PNLIPRP3: variants seen among roughly 807,000 people sequenced by gnomAD.
PNLIPRP3 encodes pancreatic lipase-related protein 3.
In PNLIPRP3, 58 loss-of-function variants were observed where a neutral mutation model predicts 52.8. The observed-to-expected ratio is 1.10, with a 90% CI of 0.89 to 1.37. The LOEUF (loss-of-function observed/expected upper bound fraction) is 1.37, where lower values mean the gene tolerates loss of function less well. Ranked by LOEUF, PNLIPRP3 falls within the 40% of genes most tolerant of loss-of-function variation. The pLI is 0.00. For synonymous variants in PNLIPRP3, 192 were observed against 185.0 expected, an observed-to-expected ratio of 1.04 and a Z score of -0.31; for missense variants, 593 against 561.6, an observed-to-expected ratio of 1.06 and a Z score of -0.57.
chr10:116,469,097 T>G, intron 8 of PNLIPRP3, 88 bp from the exon 9 acceptor site: 1 of 1,228,200 alleles, frequency 8.1e-7, no homozygotes, highest in Non-Finnish European at 1.1e-6. Context: ...TCCTGGAGAT[T>G]TATTATTATT....
chr10:116,455,859 G>A (rs1414093791), intron 5 of PNLIPRP3, 29 bp downstream of exon 5: 1 of 1,538,976 alleles, frequency 6.5e-7, no homozygotes, highest in Non-Finnish European at 9.0e-7. Flanking sequence ...TGGGCCTTGA[G>A]TGTGTTTAAA....
intron 4 of PNLIPRP3, among the ~76,000 whole-genome samples, chr10:116,445,192 GT>G (rs368577706): frequency 3.9e-5 from 6 of 152,292 alleles, no homozygotes; most frequent in African/African-American, 1.4e-4. Context: ...GATATGACTT[GT>G]AAGTAAGACA....
chr10:116,464,886 G>A (rs931393187), intron 7 of PNLIPRP3, among the ~76,000 whole-genome samples: 7 of 152,212 alleles, frequency 4.6e-5, no homozygotes, highest in Admixed American at 4.6e-4. Flanking sequence ...CAGCTCTTGG[G>A]CTGTCCCAGC....
intron 4 of PNLIPRP3, among the ~76,000 whole-genome samples, chr10:116,452,868 C>G (rs537962362): frequency 6.6e-6 from 1 of 152,378 alleles, no homozygotes; most frequent in East Asian, 1.9e-4. Flanking sequence ...CAGAGAAACT[C>G]TACTAAGGCA....
intron 1 of PNLIPRP3, among the ~76,000 whole-genome samples, chr10:116,433,495 G>T (rs1224832982): frequency 6.6e-6 from 1 of 152,038 alleles, no homozygotes; most frequent in Non-Finnish European, 1.5e-5. Flanking sequence ...AAATAACAAC[G>T]GGTTTTCATT....
chr10:116,429,957 T>C (rs1845686195), intron 1 of PNLIPRP3, among the ~76,000 whole-genome samples: 1 of 152,014 alleles, frequency 6.6e-6, no homozygotes, highest in South Asian at 2.1e-4. Flanking sequence ...AGAAGTCAAT[T>C]TAAGATGAAA....
At chr10:116,432,321 T>G (rs1044127676) in intron 1 of PNLIPRP3, among the ~76,000 whole-genome samples, 3 of 152,204 alleles carry the variant, frequency 2.0e-5, no homozygotes, top group South Asian at 4.1e-4. Flanking sequence ...AGAACTAATA[T>G]GCCAATTTAC....
rs1222758324 is a variant in PNLIPRP3, at chr10:116,471,888, A to G, written c.1172+9A>G. 2.0e-6 allele frequency: 3 copies of G among 1,533,686 alleles called. No individual in the cohort carries two copies. The highest frequency in any genetic ancestry group is 1.1e-5 in the South Asian group (1 of 89,002). Reference sequence around the variant, plus strand: ...GAGTTTGCCATTGTCAGGTAGGCAGAGTGAGAAACTGACGCTTTGCACAGT... The same window carrying G: ...GAGTTTGCCATTGTCAGGTAGGCAGGGTGAGAAACTGACGCTTTGCACAGT... On this transcript the variant is annotated intron_variant, in intron 10 of 11. Transcript: ENST00000369230.
In PNLIPRP3 at chr10:116,436,681, C is replaced by G. The variant is rs746001212; in HGVS notation, c.50-30C>G. 24 of 1,572,310 alleles carry G rather than the reference C, an allele frequency of 1.5e-5. No individual in the cohort carries two copies. In the South Asian group the frequency reaches 2.0e-4, roughly 13 times the overall value. On this transcript the variant is annotated intron_variant, in intron 1 of 11. Coordinates refer to ENST00000369230, the MANE Select transcript of PNLIPRP3 (RefSeq NM_001011709.3). Reference sequence around the variant, plus strand: ...CAGCCTCTCTCTAAGCCTGGTTCCTCTATACTGACACTCCACCTTTCTGCT... The same window carrying G: ...CAGCCTCTCTCTAAGCCTGGTTCCTGTATACTGACACTCCACCTTTCTGCT...
chr10:116,477,242 TTGTAAATGACTTA>T lies in PNLIPRP3; in HGVS notation c.*90_*102del. ...CTGGCATCCAGACCAAATTTGACCC[TTGTAAATGACTTA>T]GTCATTTACAAGGGTCTTACTCAGA... On this transcript the variant is annotated 3_prime_UTR_variant, in exon 12 of 12. Transcript: ENST00000369230. 1 of 1,072,148 alleles carries T rather than the reference TTGTAAATGACTTA, an allele frequency of 9.3e-7. No homozygotes were observed. Among genetic ancestry groups the T allele is most frequent in the East Asian group, 2.4e-5 (1 of 41,162 alleles). The allele number at this position is 1,072,148 out of a possible 1,614,324, so 66.4% of individuals were successfully genotyped here.
intron 8 of PNLIPRP3, among the ~76,000 whole-genome samples, chr10:116,466,439 T>C (rs137992406): frequency 6.6e-6 from 1 of 152,302 alleles, no homozygotes; most frequent in African/African-American, 2.4e-5. Flanking sequence ...ATGCAGTAAT[T>C]AGATGTTACT....
At chr10:116,459,716 T>C (rs1219994993) in intron 5 of PNLIPRP3, among the ~76,000 whole-genome samples, 2 of 152,216 alleles carry the variant, frequency 1.3e-5, no homozygotes, top group Non-Finnish European at 2.9e-5. Flanking sequence ...CTGGCCACCT[T>C]ACCTTTGCCC....
Position 116,477,308 on chromosome 10 carries a change from TG to T in PNLIPRP3, c.*156del, listed in dbSNP as rs904320450. The T allele has an allele frequency of 2.0e-6, 1 of 504,678 alleles. No individual in the cohort carries two copies. The highest frequency in any genetic ancestry group is 3.4e-6 in the Non-Finnish European group (1 of 293,954). 31.3% of individuals were successfully genotyped at this position (504,678 alleles called of 1,614,324 possible). A position where few individuals can be genotyped will look rare whatever the true frequency, so the allele number is the denominator to read the frequency against. On this transcript the variant is annotated 3_prime_UTR_variant, in exon 12 of 12. Transcript: ENST00000369230. Reference sequence around the variant, plus strand: ...CAAGTACGGGTTTGCTTTTTTTCTGTGTAGAATGTTCATCTAACTGCACCTT... The same window carrying T: ...CAAGTACGGGTTTGCTTTTTTTCTGTTAGAATGTTCATCTAACTGCACCTT...
intron 2 of PNLIPRP3, 99 bp downstream of exon 2, chr10:116,436,964 G>C: frequency 8.3e-7 from 1 of 1,198,330 alleles, no homozygotes; most frequent in Non-Finnish European, 1.1e-6. Context: ...TCTGACATAT[G>C]CTATTGACTT....
At chr10:116,434,955 A>G (rs1845754290) in intron 1 of PNLIPRP3, among the ~76,000 whole-genome samples, 1 of 152,210 alleles carries the variant, frequency 6.6e-6, no homozygotes, top group Admixed American at 6.5e-5. Flanking sequence ...CACAAACAGT[A>G]CAAGAGAGGC....
intron 5 of PNLIPRP3, 108 bp from the exon 6 acceptor site, chr10:116,460,858 G>C: frequency 7.0e-7 from 1 of 1,438,352 alleles, no homozygotes; most frequent in Non-Finnish European, 9.4e-7. Context: ...TTTTTCCTGA[G>C]TGATCTTTGA....
chr10:116,475,356 T>C (rs1478515885), intron 10 of PNLIPRP3, among the ~76,000 whole-genome samples: 1 of 152,132 alleles, frequency 6.6e-6, no homozygotes, highest in African/African-American at 2.4e-5. Context: ...GTCTGGGTGA[T>C]GAAGTAATCT....
At chr10:116,468,018 G>A (rs563283674) in intron 8 of PNLIPRP3, among the ~76,000 whole-genome samples, 3 of 150,894 alleles carry the variant, frequency 2.0e-5, no homozygotes, top group African/African-American at 2.4e-5. Flanking sequence ...CTAGCTACTC[G>A]GGAGGCTGAG....
chr10:116,448,148 T>A (rs1242139467), intron 4 of PNLIPRP3, among the ~76,000 whole-genome samples: 4 of 152,014 alleles, frequency 2.6e-5, no homozygotes, highest in Admixed American at 6.6e-5. Context: ...TACTGTAACA[T>A]GTGTGTGTAA....
Sources: allele counts gnomAD v4.1 joint callset (sites outside exome capture counted in the v4.1 genomes callset), GRCh38; gene constraint gnomAD v4.1.1; transcripts MANE v1.5; gene names NCBI Gene and HGNC (gene_info 2026-07-23, HGNC 2026-07-21).